The following NXPH1 variants were observed in gnomAD, a reference collection of about 807,000 sequenced individuals.
The protein encoded by NXPH1 is neurexophilin-1.
In NXPH1, 5 loss-of-function variants were observed where a neutral mutation model predicts 23.7. The ratio of observed to expected loss-of-function variants is 0.21; its 90% CI spans 0.11 to 0.44. The LOEUF (loss-of-function observed/expected upper bound fraction) is 0.44, where lower values mean the gene tolerates loss of function less well. Ranked by LOEUF, NXPH1 falls within the 20% of genes least tolerant of loss-of-function variation. NXPH1 has a pLI of 0.99. For synonymous variants in NXPH1, 144 were observed against 122.2 expected (o/e 1.18, Z -1.18); for missense variants, 324 against 321.6 (o/e 1.01, Z -0.06).
chr7:8,641,090 T>G (rs1820300731), intron 2 of NXPH1, among the ~76,000 whole-genome samples: 1 of 152,214 alleles, frequency 6.6e-6, no homozygotes. Flanking sequence ...TTTTCTTGTC[T>G]TTAAAAATAT....
intron 2 of NXPH1, among the ~76,000 whole-genome samples, chr7:8,695,832 TCTAA>T (rs1350076244): frequency 1.3e-5 from 2 of 152,222 alleles, no homozygotes; most frequent in African/African-American, 4.8e-5. Context: ...AGTGAAATTT[TCTAA>T]CTGAGATTAA....
At chr7:8,631,534 G>T (rs561141394) in intron 2 of NXPH1, among the ~76,000 whole-genome samples, 82 of 150,276 alleles carry the variant, frequency 5.5e-4, no homozygotes, top group African/African-American at 1.8e-3. Flanking sequence ...TCCAACAAAG[G>T]TCTAATATCC....
At chr7:8,746,373 C>T (rs1435203790) in intron 2 of NXPH1, among the ~76,000 whole-genome samples, 1 of 152,192 alleles carries the variant, frequency 6.6e-6, no homozygotes, top group Admixed American at 6.5e-5. Flanking sequence ...TTTACCCACA[C>T]TGAGATGTTC....
At chr7:8,662,566 T>A (rs1444039271) in intron 2 of NXPH1, among the ~76,000 whole-genome samples, 1 of 152,084 alleles carries the variant, frequency 6.6e-6, no homozygotes, top group African/African-American at 2.4e-5. Context: ...GTATTTTTTT[T>A]AAATTTGTGA....
intron 2 of NXPH1, among the ~76,000 whole-genome samples, chr7:8,535,299 C>T (rs1214817145): frequency 1.3e-5 from 2 of 151,968 alleles, no homozygotes; most frequent in African/African-American, 4.8e-5. Flanking sequence ...ATAATGGGGA[C>T]AAATTTAGAG....
intron 2 of NXPH1, among the ~76,000 whole-genome samples, chr7:8,738,173 C>T (rs969699506): frequency 2.6e-5 from 4 of 152,156 alleles, no homozygotes; most frequent in Admixed American, 1.3e-4. Context: ...GTTTTGTTCC[C>T]TTGCTGGTGA....
intron 2 of NXPH1, among the ~76,000 whole-genome samples, chr7:8,641,533 C>T (rs566410772): frequency 4.4e-4 from 67 of 152,264 alleles, no homozygotes; most frequent in African/African-American, 1.5e-3. Context: ...TTCCCACCCC[C>T]AGAGACAACA....
At chr7:8,736,029 CTTTA>C (rs961849856) in intron 2 of NXPH1, among the ~76,000 whole-genome samples, 5 of 151,858 alleles carry the variant, frequency 3.3e-5, no homozygotes, top group African/African-American at 1.2e-4. Flanking sequence ...CTCTTTTATT[CTTTA>C]TTTGTCTTCC....
intron 2 of NXPH1, among the ~76,000 whole-genome samples, chr7:8,628,549 T>C (rs536020637): frequency 6.6e-6 from 1 of 151,986 alleles, no homozygotes; most frequent in East Asian, 1.9e-4. Flanking sequence ...ACTAGAACTC[T>C]CATTTTCTCT....
chr7:8,733,782 T>C (rs1189799547), intron 2 of NXPH1, among the ~76,000 whole-genome samples: 1 of 152,218 alleles, frequency 6.6e-6, no homozygotes, highest in Admixed American at 6.5e-5. Context: ...TATTAGCCCT[T>C]TGTCAGATGG....
At chr7:8,538,657 G>T (rs1023479878) in intron 2 of NXPH1, among the ~76,000 whole-genome samples, 3 of 152,066 alleles carry the variant, frequency 2.0e-5, no homozygotes, top group East Asian at 1.9e-4. Flanking sequence ...AGTGGCAGAA[G>T]TTCTCCACAT....
chr7:8,710,756 G>A (rs1214549005), intron 2 of NXPH1, among the ~76,000 whole-genome samples: 7 of 126,230 alleles, frequency 5.5e-5, no homozygotes, highest in Admixed American at 1.5e-4. Flanking sequence ...TCCGCTTCCC[G>A]GGTTCACGCC....
intron 2 of NXPH1, among the ~76,000 whole-genome samples, chr7:8,706,347 A>C (rs1016396498): frequency 6.6e-6 from 1 of 152,214 alleles, no homozygotes; most frequent in African/African-American, 2.4e-5. Context: ...AGAAGGCACA[A>C]GCAGGTGTCT....
At chr7:8,593,485 C>T (rs1394248431) in intron 2 of NXPH1, among the ~76,000 whole-genome samples, 1 of 151,932 alleles carries the variant, frequency 6.6e-6, no homozygotes, top group African/African-American at 2.4e-5. Flanking sequence ...GATTTCTCTT[C>T]CCTTGTGGAA....
In NXPH1 at chr7:8,479,980, AAAAT is replaced by A. The variant is rs552967238; in HGVS notation, c.54+44216_54+44219del. Among the ~76,000 whole-genome samples the A allele has an allele frequency of 2.6e-5, 4 of 152,148 alleles. No homozygotes were observed. The South Asian group carries it at 6.2e-4, about 24-fold the overall frequency. ...TGATCCTGCCTTTCCAATAAGATAAAAAATAATTAATAAATAAAATTAGAGATGT... is the reference window on the plus strand; with the variant it reads ...TGATCCTGCCTTTCCAATAAGATAAAAATTAATAAATAAAATTAGAGATGT... On this transcript the variant is annotated intron_variant, in intron 2 of 2. Coordinates refer to ENST00000405863, the MANE Select transcript of NXPH1 (RefSeq NM_152745.3).
chr7:8,727,148 T>C lies in NXPH1; in HGVS notation c.55-23860T>C, dbSNP rs1780070405. On this transcript the variant is annotated intron_variant, in intron 2 of 2. Transcript: ENST00000405863. ...CATAAATGTCTTCTTTTGAGAAGTG[T>C]CTGTTCATGTCCTTCGCCCACTTTT... 2.1e-5 allele frequency among the ~76,000 whole-genome samples: 3 copies of C among 145,022 alleles called. No homozygotes were observed. The South Asian group carries it at 6.6e-4, about 32-fold the overall frequency.
intron 2 of NXPH1, among the ~76,000 whole-genome samples, chr7:8,481,186 C>T (rs1012669475): frequency 6.6e-6 from 1 of 152,144 alleles, no homozygotes; most frequent in Non-Finnish European, 1.5e-5. Flanking sequence ...GATGATTATA[C>T]TGGTCAACTC....
At chr7:8,672,209 C>T (rs1370174116) in intron 2 of NXPH1, among the ~76,000 whole-genome samples, 8 of 152,098 alleles carry the variant, frequency 5.3e-5, no homozygotes, top group Admixed American at 3.3e-4. Flanking sequence ...CCATCATTCT[C>T]AGCAAACTAT....
chr7:8,586,086 G>A (rs1053782771), intron 2 of NXPH1, among the ~76,000 whole-genome samples: 3 of 152,148 alleles, frequency 2.0e-5, no homozygotes, highest in Non-Finnish European at 2.9e-5. Flanking sequence ...AACACAGAAA[G>A]TCTTGAACGA....
Sources: gnomAD v4.1 joint callset for allele counts (sites outside exome capture counted in the v4.1 genomes callset) on GRCh38, gnomAD v4.1.1 for gene constraint, MANE v1.5 for transcripts, NCBI Gene and HGNC (gene_info 2026-07-23, HGNC 2026-07-21) for gene names.